The following UHRF2 variants were observed in gnomAD, a reference collection of about 807,000 sequenced individuals.
The protein encoded by UHRF2 is E3 ubiquitin-protein ligase UHRF2.
In UHRF2, 23 loss-of-function variants were observed where a neutral mutation model predicts 96.8. That is an observed-to-expected ratio of 0.24 (90% CI 0.17 to 0.34). The LOEUF (loss-of-function observed/expected upper bound fraction) is 0.34. UHRF2 is among the 10% of genes least tolerant of loss of function. The probability of loss-of-function intolerance (pLI) is 1.00; values close to 1 mark genes in which losing one functional copy is unlikely to be tolerated. For missense variants in UHRF2, 685 were observed against 981.5 expected (o/e 0.70, Z 4.04); for synonymous variants, 385 against 332.6 (o/e 1.16, Z -1.72).
chr9:6,497,482 T>C (rs1825034782), intron 11 of UHRF2, 122 bp downstream of exon 11: 2 of 1,125,502 alleles, frequency 1.8e-6, no homozygotes, highest in African/African-American at 3.1e-5. Context: ...TGCTACTTTT[T>C]CTGGAAATTG....
At chr9:6,468,012 C>T (rs1414294625) in intron 4 of UHRF2, among the ~76,000 whole-genome samples, 1 of 152,098 alleles carries the variant, frequency 6.6e-6, no homozygotes, top group Non-Finnish European at 1.5e-5. Context: ...CTTGAAATTA[C>T]ATAATGTGTC....
Position 6,506,214 on chromosome 9 carries a change from T to C in UHRF2, c.*35T>C, listed in dbSNP as rs1297767434. 2 of 1,609,112 alleles carry C rather than the reference T, an allele frequency of 1.2e-6. No homozygotes were observed. Among genetic ancestry groups the C allele is most frequent in the Non-Finnish European group, 1.7e-6 (2 of 1,177,114 alleles). ...TTTCACTGTGTTGTTCATGGTGGCT[T>C]TTTGGACAATAAAGAATCTAAAATG... is the stretch of plus-strand genomic sequence containing the variant. On this transcript the variant is annotated 3_prime_UTR_variant, in exon 16 of 16. Transcript: ENST00000276893.
intron 1 of UHRF2, among the ~76,000 whole-genome samples, chr9:6,420,642 G>A (rs985502527): frequency 8.6e-5 from 13 of 151,116 alleles, no homozygotes; most frequent in African/African-American, 1.7e-4. Flanking sequence ...GGGAGGAGGC[G>A]CTTGCAGTGA....
At position 6,447,365 on chromosome 9, in the gene UHRF2, T is replaced by A. The variant is rs189628480; in HGVS notation, c.644+13192T>A. Among the ~76,000 whole-genome samples, 5 of 152,346 alleles carry A rather than the reference T, an allele frequency of 3.3e-5. No homozygotes were observed. In the East Asian group the frequency reaches 7.7e-4, roughly 23 times the overall value. ...TGGGCCTGGTCTCTCCCAAACACTCTATATTTTGAACATGGTACTTGCTCC... is the reference window on the plus strand; with the variant it reads ...TGGGCCTGGTCTCTCCCAAACACTCAATATTTTGAACATGGTACTTGCTCC... On this transcript the variant is annotated intron_variant, in intron 3 of 15. Transcript: ENST00000276893.
intron 8 of UHRF2, among the ~76,000 whole-genome samples, chr9:6,485,575 G>T (rs998006271): frequency 6.6e-6 from 1 of 151,222 alleles, no homozygotes; most frequent in Non-Finnish European, 1.5e-5. Flanking sequence ...TCACCTTCTT[G>T]TTGGCTTCTA....
chr9:6,490,564 G>A (rs1426772213), intron 9 of UHRF2, among the ~76,000 whole-genome samples: 4 of 152,204 alleles, frequency 2.6e-5, no homozygotes, highest in Non-Finnish European at 5.9e-5. Flanking sequence ...GGAAGCAGAG[G>A]TTGCGGTGAG....
At chr9:6,447,644 C>T (rs1162825667) in intron 3 of UHRF2, among the ~76,000 whole-genome samples, 1 of 152,140 alleles carries the variant, frequency 6.6e-6, no homozygotes, top group African/African-American at 2.4e-5. Flanking sequence ...ATACATGTTT[C>T]TTTCCACTCC....
chr9:6,413,261 G>A lies in UHRF2; in HGVS notation c.-230G>A. 1 of 204,578 alleles carries A rather than the reference G, an allele frequency of 4.9e-6. No homozygotes were observed. The highest frequency in any genetic ancestry group is 9.6e-6 in the Non-Finnish European group (1 of 104,172). 12.7% of individuals were successfully genotyped at this position (204,578 alleles called of 1,614,324 possible). ...TCCTATCTTTGAGGCGGTGTCTGCG[G>A]CAGCGCCTCAGAGTGGTTCCGGTCG... On this transcript the variant is annotated 5_prime_UTR_variant, in exon 1 of 16. Coordinates refer to ENST00000276893, the MANE Select transcript of UHRF2 (RefSeq NM_152896.3).
intron 12 of UHRF2, chr9:6,498,374 T>C (rs893912607): frequency 4.8e-6 from 2 of 417,884 alleles, no homozygotes; most frequent in African/African-American, 4.1e-5. Context: ...TTGGGAAAAG[T>C]TGGACCTGTT....
chr9:6,423,838 C>T (rs769756013), intron 2 of UHRF2, among the ~76,000 whole-genome samples: 3 of 151,586 alleles, frequency 2.0e-5, no homozygotes, highest in Admixed American at 6.6e-5. Context: ...CCAGCTACTC[C>T]GGAGGCTGAG....
chr9:6,477,015 G>C (rs1440387815), intron 5 of UHRF2, among the ~76,000 whole-genome samples: 1 of 152,154 alleles, frequency 6.6e-6, no homozygotes, highest in Non-Finnish European at 1.5e-5. Flanking sequence ...TGAATCACCT[G>C]AGGGGTCAGG....
intron 1 of UHRF2, among the ~76,000 whole-genome samples, chr9:6,416,273 A>C (rs1217141726): frequency 1.3e-5 from 2 of 152,112 alleles, no homozygotes; most frequent in East Asian, 3.9e-4. Context: ...CATTTTGGAC[A>C]CGATGGTCTC....
intron 10 of UHRF2, 166 bp from the exon 11 acceptor site, chr9:6,497,032 C>G: frequency 1.5e-6 from 1 of 667,760 alleles, no homozygotes; most frequent in Non-Finnish European, 2.4e-6. Context: ...TTTGTCTTCT[C>G]TGCTGGTGGG....
chr9:6,479,288 T>C (rs1823781619), intron 6 of UHRF2, among the ~76,000 whole-genome samples: 1 of 152,238 alleles, frequency 6.6e-6, no homozygotes, highest in African/African-American at 2.4e-5. Context: ...ACAGACACTT[T>C]TTATGTCTAA....
At chr9:6,434,341 T>C (rs1587785440) in intron 3 of UHRF2, 168 bp downstream of exon 3, 2 of 706,198 alleles carry the variant, frequency 2.8e-6, no homozygotes, top group East Asian at 5.7e-5. Flanking sequence ...AAGGTCCTTT[T>C]AGCTCTCGAT....
chr9:6,481,093 C>T (rs1421814419), intron 6 of UHRF2, among the ~76,000 whole-genome samples: 1 of 152,088 alleles, frequency 6.6e-6, no homozygotes, highest in Non-Finnish European at 1.5e-5. Flanking sequence ...TTACGAAATA[C>T]AAGTTACAGT....
intron 2 of UHRF2, among the ~76,000 whole-genome samples, chr9:6,429,983 A>G (rs73399702): frequency 0.018 from 2,695 of 152,282 alleles, 75 homozygotes; most frequent in African/African-American, 0.062. Context: ...AAAATATTAG[A>G]TATTTGGACA....
chr9:6,444,938 A>AC (rs1223033535), intron 3 of UHRF2, among the ~76,000 whole-genome samples: 2 of 151,436 alleles, frequency 1.3e-5, no homozygotes, highest in Non-Finnish European at 2.9e-5. Context: ...CACGCTGGCC[A>AC]TTAAGTATAC....
chr9:6,431,297 C>A (rs1820549289), intron 2 of UHRF2, among the ~76,000 whole-genome samples: 1 of 152,120 alleles, frequency 6.6e-6, no homozygotes, highest in Non-Finnish European at 1.5e-5. Flanking sequence ...AGGGTACTTA[C>A]TATATTTAGT....
Sources: allele counts gnomAD v4.1 joint callset (sites outside exome capture counted in the v4.1 genomes callset), GRCh38; gene constraint gnomAD v4.1.1; transcripts MANE v1.5; gene names NCBI Gene and HGNC (gene_info 2026-07-23, HGNC 2026-07-21).